The following KCNB2 variants were observed in gnomAD, a reference collection of about 807,000 sequenced individuals.
The protein encoded by KCNB2 is delayed rectifier potassium channel protein.
KCNB2 carries 15 observed loss-of-function variants against 61.5 expected under a neutral mutation model. That is an observed-to-expected ratio of 0.24 (90% CI 0.16 to 0.38). KCNB2 has a LOEUF of 0.38. Among genes scored for constraint, KCNB2 ranks in the 10% least tolerant of loss-of-function variants. The pLI is 1.00. For missense variants in KCNB2, 828 were observed against 1,125.2 expected (o/e 0.74, Z 3.78); for synonymous variants, 457 against 446.0 (o/e 1.02, Z -0.31).
intron 2 of KCNB2, among the ~76,000 whole-genome samples, chr8:72,638,953 A>G (rs1315523934): frequency 6.6e-6 from 1 of 152,122 alleles, no homozygotes; most frequent in Non-Finnish European, 1.5e-5. Context: ...CTATCACTCA[A>G]CTTATGCAGA....
chr8:72,774,150 T>C (rs1453015616), intron 2 of KCNB2, among the ~76,000 whole-genome samples: 1 of 152,134 alleles, frequency 6.6e-6, no homozygotes, highest in East Asian at 1.9e-4. Flanking sequence ...AGAAAGTAAC[T>C]TGCCTATGAT....
At chr8:72,906,605 T>C (rs1412498766) in intron 2 of KCNB2, among the ~76,000 whole-genome samples, 1 of 152,178 alleles carries the variant, frequency 6.6e-6, no homozygotes, top group East Asian at 1.9e-4. Flanking sequence ...GTTTGCAAAT[T>C]AACGTGGTGG....
intron 1 of KCNB2, among the ~76,000 whole-genome samples, chr8:72,551,297 C>T (rs1563520405): frequency 6.6e-6 from 1 of 152,014 alleles, no homozygotes. Context: ...AAATGATTTC[C>T]CACTTTTCTT....
chr8:72,719,774 A>AAT (rs991856853), intron 2 of KCNB2, among the ~76,000 whole-genome samples: 1 of 152,216 alleles, frequency 6.6e-6, no homozygotes, highest in Admixed American at 6.5e-5. Context: ...CTTAAAAAAA[A>AAT]TAAAACAAAA....
intron 2 of KCNB2, among the ~76,000 whole-genome samples, chr8:72,760,135 C>G (rs1345474969): frequency 6.6e-6 from 1 of 152,144 alleles, no homozygotes; most frequent in African/African-American, 2.4e-5. Context: ...AGGACAAGCC[C>G]AGATGTCATG....
chr8:72,835,178 A>T (rs191625320), intron 2 of KCNB2, among the ~76,000 whole-genome samples: 2 of 152,330 alleles, frequency 1.3e-5, no homozygotes, highest in Admixed American at 1.3e-4. Flanking sequence ...GATCCTGAGG[A>T]TGTTCCTGAG....
intron 2 of KCNB2, among the ~76,000 whole-genome samples, chr8:72,692,508 C>G (rs1050345270): frequency 3.3e-5 from 5 of 151,954 alleles, no homozygotes; most frequent in African/African-American, 1.2e-4. Context: ...GAAAGTTCTT[C>G]TCCTCCAATG....
chr8:72,886,172 G>A (rs566764910), intron 2 of KCNB2, among the ~76,000 whole-genome samples: 1 of 152,200 alleles, frequency 6.6e-6, no homozygotes, highest in East Asian at 1.9e-4. Context: ...ACCTACTACT[G>A]TGCTTCACTT....
chr8:72,698,933 C>A (rs569160634), intron 2 of KCNB2, among the ~76,000 whole-genome samples: 1 of 151,986 alleles, frequency 6.6e-6, no homozygotes, highest in Non-Finnish European at 1.5e-5. Context: ...CTAGGAAAAA[C>A]CATGCCTTGG....
intron 1 of KCNB2, among the ~76,000 whole-genome samples, chr8:72,557,009 G>C (rs1002906263): frequency 3.9e-5 from 6 of 152,056 alleles, no homozygotes; most frequent in African/African-American, 1.4e-4. Flanking sequence ...AGCTGTCTGG[G>C]GCCTGTTCTA....
chr8:72,654,790 A>G (rs767875478), intron 2 of KCNB2, among the ~76,000 whole-genome samples: 1 of 152,192 alleles, frequency 6.6e-6, no homozygotes, highest in Non-Finnish European at 1.5e-5. Context: ...AAACTGTGAG[A>G]AAAAGATAAA....
chr8:72,567,729 T>C lies in KCNB2; in HGVS notation c.-6T>C, dbSNP rs759274762. The C allele has an allele frequency of 2.6e-6, 4 of 1,546,910 alleles. No individual in the cohort carries two copies. Among genetic ancestry groups the C allele is most frequent in the Non-Finnish European group, 2.6e-6 (3 of 1,149,996 alleles). On this transcript the variant is annotated 5_prime_UTR_variant, in exon 2 of 3. Coordinates refer to ENST00000523207, the MANE Select transcript of KCNB2 (RefSeq NM_004770.3). ...ACCCTGGCTCTGCGGCTTTGTCCAG[T>C]TCAAAATGGCAGAAAAGGCTCCCCC...
At chr8:72,930,785 GA>G (rs1163824762) in intron 2 of KCNB2, among the ~76,000 whole-genome samples, 3 of 152,168 alleles carry the variant, frequency 2.0e-5, no homozygotes, top group South Asian at 4.1e-4. Flanking sequence ...TTGCTGTGCA[GA>G]AGCTCTTTAG....
intron 2 of KCNB2, among the ~76,000 whole-genome samples, chr8:72,853,973 T>C (rs1810164232): frequency 6.6e-6 from 1 of 152,244 alleles, no homozygotes; most frequent in African/African-American, 2.4e-5. Flanking sequence ...CCATGAGATG[T>C]TGTCTTAAAA....
At chr8:72,682,723 A>G (rs1806781319) in intron 2 of KCNB2, among the ~76,000 whole-genome samples, 1 of 152,104 alleles carries the variant, frequency 6.6e-6, no homozygotes, top group Non-Finnish European at 1.5e-5. Flanking sequence ...CCTTCTGAGT[A>G]GTTGAGACTA....
chr8:72,653,379 A>G (rs992593227), intron 2 of KCNB2, among the ~76,000 whole-genome samples: 2 of 152,102 alleles, frequency 1.3e-5, no homozygotes, highest in Non-Finnish European at 2.9e-5. Context: ...TTCCTCAGAG[A>G]GGCTTTTCCT....
intron 2 of KCNB2, among the ~76,000 whole-genome samples, chr8:72,929,876 T>C (rs562937324): frequency 5.8e-4 from 88 of 151,992 alleles, no homozygotes; most frequent in Non-Finnish European, 1.1e-3. Flanking sequence ...TGTATACATA[T>C]GCCATGTTGG....
intron 2 of KCNB2, among the ~76,000 whole-genome samples, chr8:72,577,171 A>T (rs1806807718): frequency 6.6e-6 from 1 of 152,178 alleles, no homozygotes; most frequent in Non-Finnish European, 1.5e-5. Context: ...ATTACTAAGG[A>T]CAGGTACCTG....
chr8:72,835,843 C>T (rs974590198), intron 2 of KCNB2, among the ~76,000 whole-genome samples: 1 of 152,180 alleles, frequency 6.6e-6, no homozygotes, highest in African/African-American at 2.4e-5. Flanking sequence ...TACTGATGCT[C>T]ATTACATTCA....
Sources: gnomAD v4.1 joint callset for allele counts (sites outside exome capture counted in the v4.1 genomes callset) on GRCh38, gnomAD v4.1.1 for gene constraint, MANE v1.5 for transcripts, NCBI Gene and HGNC (gene_info 2026-07-23, HGNC 2026-07-21) for gene names.